The following EEFSEC variants were observed in gnomAD, a reference collection of about 807,000 sequenced individuals.
EEFSEC encodes selenocysteine-specific elongation factor.
A neutral mutation model predicts 42.1 loss-of-function variants in EEFSEC; 43 were observed. That is an observed-to-expected ratio of 1.02 (90% CI 0.80 to 1.32). The LOEUF (loss-of-function observed/expected upper bound fraction) is 1.32. Among genes scored for constraint, EEFSEC ranks in the 40% most tolerant of loss-of-function variants. The probability of loss-of-function intolerance (pLI) is 0.00; values close to 1 mark genes in which losing one functional copy is unlikely to be tolerated. For synonymous variants in EEFSEC, 354 were observed against 339.1 expected (o/e 1.04, Z -0.48); for missense variants, 745 against 803.6 (o/e 0.93, Z 0.88).
At chr3:128,185,052 C>T (rs190312197) in intron 1 of EEFSEC, among the ~76,000 whole-genome samples, 4 of 152,256 alleles carry the variant, frequency 2.6e-5, no homozygotes, top group Admixed American at 6.5e-5. Flanking sequence ...AAAACAAATA[C>T]AAGTCTGCCA....
rs117739297 is a variant in EEFSEC, at chr3:128,157,312, A to G, written c.316+3489A>G. Among the ~76,000 whole-genome samples the G allele has an allele frequency of 3.6e-4, 55 of 152,374 alleles. No individual in the cohort carries two copies. The East Asian group carries it at 0.01, about 28-fold the overall frequency. On this transcript the variant is annotated intron_variant, in intron 1 of 6. Transcript: ENST00000254730. ...CATCTCCAGAACATAAATGTACAAG[A>G]TGAAACAACAAATGGTGATAGAGAA...
chr3:128,234,515 T>C (rs757858282), intron 1 of EEFSEC, among the ~76,000 whole-genome samples: 7 of 152,208 alleles, frequency 4.6e-5, no homozygotes, highest in Non-Finnish European at 8.8e-5. Context: ...GACAGAGACT[T>C]AGGAGTTGCT....
chr3:128,283,798 CCT>C (rs2066554613), intron 4 of EEFSEC, among the ~76,000 whole-genome samples: 1 of 152,146 alleles, frequency 6.6e-6, no homozygotes, highest in Admixed American at 6.5e-5. Context: ...AGGAAGAACC[CCT>C]GTTTTGTTTC....
At chr3:128,250,608 T>G (rs183069868) in intron 2 of EEFSEC, among the ~76,000 whole-genome samples, 117 of 152,356 alleles carry the variant, frequency 7.7e-4, no homozygotes, top group Non-Finnish European at 2.5e-4. Context: ...ATGTCTGTCC[T>G]TAGGCTAGTG....
chr3:128,340,528 A>C (rs1199328805), intron 4 of EEFSEC, among the ~76,000 whole-genome samples: 1 of 152,026 alleles, frequency 6.6e-6, no homozygotes, highest in Non-Finnish European at 1.5e-5. Context: ...AGGTCACTGT[A>C]TTTCTTCCCC....
intron 1 of EEFSEC, among the ~76,000 whole-genome samples, chr3:128,214,237 G>A (rs949141426): frequency 6.6e-6 from 1 of 152,142 alleles, no homozygotes; most frequent in Non-Finnish European, 1.5e-5. Flanking sequence ...GAAAGAGAAC[G>A]AGAACATGCA....
chr3:128,264,658 G>A lies in EEFSEC; in HGVS notation c.663G>A (p.Ser221=), dbSNP rs148854623. 22 of 1,613,864 alleles carry A rather than the reference G, an allele frequency of 1.4e-5. No homozygotes were observed. The highest frequency in any genetic ancestry group is 3.3e-5 in the Admixed American group (2 of 59,998). ...SQISIPTRDP[S]GPFLMSVDHC... Reference sequence around the variant, plus strand: ...TTTCCATCCCAACGAGAGATCCCTCGGGACCGTTCCTCATGTCTGTGGACC... The same window carrying A: ...TTTCCATCCCAACGAGAGATCCCTCAGGACCGTTCCTCATGTCTGTGGACC... The change falls in exon 4 of 7, where the codon TCG becomes TCA. Residue 221 remains serine (S), a synonymous_variant. Transcript: ENST00000254730.
chr3:128,407,351 T>A (rs1398596253), intron 6 of EEFSEC, among the ~76,000 whole-genome samples: 1 of 152,182 alleles, frequency 6.6e-6, no homozygotes, highest in Non-Finnish European at 1.5e-5. Flanking sequence ...GATGAGCCAC[T>A]GACTCTGTGA....
intron 1 of EEFSEC, among the ~76,000 whole-genome samples, chr3:128,245,923 A>C (rs899305398): frequency 6.6e-6 from 1 of 152,216 alleles, no homozygotes; most frequent in South Asian, 2.1e-4. Flanking sequence ...TCTCCTCTGC[A>C]TTGCCAATGA....
chr3:128,260,018 T>G (rs2107924624), intron 2 of EEFSEC, among the ~76,000 whole-genome samples: 1 of 152,332 alleles, frequency 6.6e-6, no homozygotes, highest in Non-Finnish European at 1.5e-5. Flanking sequence ...TGTTTTCTGT[T>G]CTTTTTGGAT....
intron 1 of EEFSEC, among the ~76,000 whole-genome samples, chr3:128,232,756 C>T (rs1240919678): frequency 6.6e-6 from 1 of 152,118 alleles, no homozygotes; most frequent in African/African-American, 2.4e-5. Flanking sequence ...AAAAGATTAC[C>T]CTAGATAGAC....
chr3:128,421,357 AG>A, the EEFSEC span, among the ~76,000 whole-genome samples: 7 of 152,100 alleles, frequency 4.6e-5, no homozygotes, highest in Admixed American at 1.3e-4. Flanking sequence ...AGGTGTGAAC[AG>A]GGGGGTCAGG....
chr3:128,154,489 G>T lies in EEFSEC; in HGVS notation c.316+666G>T, dbSNP rs1185602534. Among the ~76,000 whole-genome samples the T allele has an allele frequency of 2.0e-5, 3 of 149,378 alleles. No homozygotes were observed. In the East Asian group the frequency reaches 5.9e-4, roughly 29 times the overall value. ...TTTTGAGACAGAGTCTTGTTCTGTC[G>T]CCCAGCCTGGAGTGCAGTGGCACGA... On this transcript the variant is annotated intron_variant, in intron 1 of 6. Transcript: ENST00000254730.
At chr3:128,263,148 T>C (rs1204893215) in intron 3 of EEFSEC, among the ~76,000 whole-genome samples, 2 of 152,264 alleles carry the variant, frequency 1.3e-5, no homozygotes, top group African/African-American at 4.8e-5. Flanking sequence ...GGCCAGGCAC[T>C]GTACTAAGTT....
chr3:128,219,787 GA>G lies in EEFSEC; in HGVS notation c.317-27042del, dbSNP rs546450832. 4.6e-3 allele frequency among the ~76,000 whole-genome samples: 690 copies of G among 149,686 alleles called. 4 individuals carry two copies. The highest frequency in any genetic ancestry group is 0.015 in the African/African-American group (604 of 40,394). ...TAATAGACACTAGAAAAAAAAAAAA[GA>G]AAAAAACTCTTGGCTAAATGAATAT... is the stretch of plus-strand genomic sequence containing the variant. On this transcript the variant is annotated intron_variant, in intron 1 of 6. Coordinates refer to ENST00000254730, the MANE Select transcript of EEFSEC (RefSeq NM_021937.5).
At chr3:128,294,162 G>A (rs1006720935) in intron 4 of EEFSEC, among the ~76,000 whole-genome samples, 2 of 152,144 alleles carry the variant, frequency 1.3e-5, no homozygotes, top group Admixed American at 1.3e-4. Context: ...GGAGCCATTA[G>A]GGGTCCTCAC....
intron 1 of EEFSEC, among the ~76,000 whole-genome samples, chr3:128,192,285 C>T (rs2065532603): frequency 6.6e-6 from 1 of 152,162 alleles, no homozygotes; most frequent in Non-Finnish European, 1.5e-5. Flanking sequence ...GTGAACCTGA[C>T]ACGGTTGGGT....
At chr3:128,373,299 G>T (rs1201721913) in intron 6 of EEFSEC, among the ~76,000 whole-genome samples, 1 of 152,206 alleles carries the variant, frequency 6.6e-6, no homozygotes, top group Non-Finnish European at 1.5e-5. Context: ...AGAGAACCTG[G>T]CACCCATTGT....
Position 128,346,990 on chromosome 3 carries a change from C to T in EEFSEC, c.1443+5101C>T, listed in dbSNP as rs1030286595. ...TGACCCTTTGGCTATAGTTTTCCAA[C>T]CCCTAATATAAATGGTTAATAGGGC... On this transcript the variant is annotated intron_variant, in intron 5 of 6. Transcript: ENST00000254730. Among the ~76,000 whole-genome samples, 11 of 152,172 alleles carry T rather than the reference C, an allele frequency of 7.2e-5. No individual in the cohort carries two copies. In the South Asian group the frequency reaches 2.3e-3, roughly 32 times the overall value.
Sources: allele counts gnomAD v4.1 joint callset (sites outside exome capture counted in the v4.1 genomes callset), GRCh38; gene constraint gnomAD v4.1.1; transcripts MANE v1.5; gene names NCBI Gene and HGNC (gene_info 2026-07-23, HGNC 2026-07-21).